ZNF385D: variants seen among roughly 807,000 people sequenced by gnomAD.
The protein encoded by ZNF385D is zinc finger protein 385D.
In ZNF385D, 15 loss-of-function variants were observed where a neutral mutation model predicts 35.8. The observed-to-expected ratio is 0.42, with a 90% CI of 0.28 to 0.64. The LOEUF (loss-of-function observed/expected upper bound fraction) is 0.64. ZNF385D is among the 30% of genes least tolerant of loss of function. The pLI, the probability that ZNF385D is intolerant of heterozygous loss-of-function variation, is 0.23. For synonymous variants in ZNF385D, 212 were observed against 186.8 expected, an observed-to-expected ratio of 1.13 and a Z score of -1.10; for missense variants, 474 against 494.6, an observed-to-expected ratio of 0.96 and a Z score of 0.39.
At chr3:21,995,777 G>A (rs992545029) in intron 3 of ZNF385D, among the ~76,000 whole-genome samples, 2 of 151,962 alleles carry the variant, frequency 1.3e-5, no homozygotes, top group East Asian at 3.9e-4. Context: ...CACATTCAGG[G>A]GCAAGGAGCC....
intron 3 of ZNF385D, among the ~76,000 whole-genome samples, chr3:21,871,262 G>A (rs528821025): frequency 6.6e-6 from 1 of 152,150 alleles, no homozygotes; most frequent in Non-Finnish European, 1.5e-5. Flanking sequence ...CCAGAGATCT[G>A]CTCCAATGTC....
chr3:21,849,896 C>T (rs979689356), intron 3 of ZNF385D, among the ~76,000 whole-genome samples: 1 of 151,938 alleles, frequency 6.6e-6, no homozygotes, highest in African/African-American at 2.4e-5. Context: ...CAGGTTTGCA[C>T]CACATCCAGC....
chr3:21,466,140 C>T (rs1703500925), intron 4 of ZNF385D, among the ~76,000 whole-genome samples: 1 of 152,112 alleles, frequency 6.6e-6, no homozygotes, highest in Admixed American at 6.5e-5. Context: ...ATTATACCAC[C>T]CCATGCATCC....
intron 2 of ZNF385D, among the ~76,000 whole-genome samples, chr3:21,648,863 G>T (rs1472217999): frequency 6.6e-6 from 1 of 152,166 alleles, no homozygotes; most frequent in African/African-American, 2.4e-5. Context: ...CATATAACCT[G>T]AGATGCACTT....
intron 3 of ZNF385D, among the ~76,000 whole-genome samples, chr3:21,948,870 A>G (rs559894): frequency 0.26 from 39,362 of 152,006 alleles, 5,790 homozygotes; most frequent in Admixed American, 0.41. Flanking sequence ...ATCTTGTGTA[A>G]GATTTTAGGA....
chr3:21,425,284 A>G (rs1575121329), intron 6 of ZNF385D, among the ~76,000 whole-genome samples: 1 of 152,234 alleles, frequency 6.6e-6, no homozygotes, highest in Non-Finnish European at 1.5e-5. Context: ...ATTACATTTT[A>G]GTATTTCCTC....
At chr3:21,586,217 A>G (rs1004045876) in intron 2 of ZNF385D, among the ~76,000 whole-genome samples, 4 of 152,160 alleles carry the variant, frequency 2.6e-5, no homozygotes, top group African/African-American at 9.7e-5. Flanking sequence ...AAGGGGAAAA[A>G]AAAGAAAGTA....
chr3:22,106,126 G>C (rs961379587), intron 3 of ZNF385D, among the ~76,000 whole-genome samples: 1 of 152,184 alleles, frequency 6.6e-6, no homozygotes, highest in Admixed American at 6.5e-5. Flanking sequence ...GACTAAAGCA[G>C]AGCCCAGGTA....
At chr3:22,111,478 T>C (rs1176442081) in intron 3 of ZNF385D, among the ~76,000 whole-genome samples, 1 of 152,044 alleles carries the variant, frequency 6.6e-6, no homozygotes, top group Non-Finnish European at 1.5e-5. Flanking sequence ...GGTGACGCGA[T>C]CATCAAATGT....
Position 21,821,799 on chromosome 3 carries a change from A to G in ZNF385D, c.326-156771T>C, listed in dbSNP as rs76029543. On this transcript the variant is annotated intron_variant, in intron 3 of 5. Coordinates refer to the ZNF385D transcript ENST00000494108. ...AACACAATGAGAACCCATCTCTACAAAATTTTTTTTAAATTAACCAGGCAC... is the reference window on the plus strand; with the variant it reads ...AACACAATGAGAACCCATCTCTACAGAATTTTTTTTAAATTAACCAGGCAC... Among the ~76,000 whole-genome samples the G allele has an allele frequency of 0.012, 1,881 of 151,898 alleles. 114 individuals carry two copies. In the East Asian group the frequency reaches 0.13, roughly 11 times the overall value.
chr3:21,692,591 C>T (rs949485506), intron 1 of ZNF385D, among the ~76,000 whole-genome samples: 13 of 152,208 alleles, frequency 8.5e-5, no homozygotes, highest in Admixed American at 5.2e-4. Context: ...CACAATCCAG[C>T]GCCAGTGTAT....
chr3:22,028,003 C>T (rs1468241004), intron 3 of ZNF385D, among the ~76,000 whole-genome samples: 1 of 152,088 alleles, frequency 6.6e-6, no homozygotes, highest in East Asian at 1.9e-4. Context: ...GGCAGAACTT[C>T]GAGCAGTGCA....
intron 3 of ZNF385D, among the ~76,000 whole-genome samples, chr3:21,556,244 A>G (rs1049464849): frequency 1.3e-5 from 2 of 151,774 alleles, no homozygotes; most frequent in African/African-American, 4.8e-5. Flanking sequence ...TCATTTGTCT[A>G]TTTTGGCTTT....
At chr3:21,960,636 C>T (rs1426448203) in intron 3 of ZNF385D, among the ~76,000 whole-genome samples, 2 of 152,116 alleles carry the variant, frequency 1.3e-5, no homozygotes, top group African/African-American at 2.4e-5. Flanking sequence ...ACCTACACTC[C>T]TTTGTTTATT....
intron 3 of ZNF385D, among the ~76,000 whole-genome samples, chr3:21,940,086 G>T (rs1443886161): frequency 6.6e-6 from 1 of 151,980 alleles, no homozygotes; most frequent in Non-Finnish European, 1.5e-5. Context: ...TCTTCCCTGG[G>T]TCTTTTTGTT....
chr3:21,665,012 A>G lies in ZNF385D; in HGVS notation c.39T>C (p.Ser13=). 1 of 1,611,590 alleles carries G rather than the reference A, an allele frequency of 6.2e-7. No individual in the cohort carries two copies. Among genetic ancestry groups the G allele is most frequent in the East Asian group, 2.2e-5 (1 of 44,822 alleles). Residue 13 remains serine, a synonymous_variant, in exon 2 of 8, where the codon AGT becomes AGC. Coordinates refer to ENST00000281523, the MANE Select transcript of ZNF385D (RefSeq NM_024697.3). The stretch of plus-strand genomic sequence containing the variant: ...GACGGACAAGGGCCGGGAGAGCAGG[A>G]CTCTGGCATGTACCACCTGTGAAGA... ...NIMYFGGTCQ[S]PALPALVRPP... is the part of the protein sequence containing the mutation.
At chr3:21,792,942 A>T (rs966079238) in intron 3 of ZNF385D, among the ~76,000 whole-genome samples, 1 of 152,164 alleles carries the variant, frequency 6.6e-6, no homozygotes, top group African/African-American at 2.4e-5. Context: ...TGTAAATATG[A>T]TTAAAGCAAT....
chr3:22,118,615 C>G (rs569427880), intron 3 of ZNF385D, among the ~76,000 whole-genome samples: 1 of 151,702 alleles, frequency 6.6e-6, no homozygotes, highest in Admixed American at 6.6e-5. Flanking sequence ...CCAATGATAT[C>G]GGTAAGAGGT....
intron 3 of ZNF385D, among the ~76,000 whole-genome samples, chr3:21,985,002 T>C (rs1393779178): frequency 4.6e-5 from 7 of 151,588 alleles, no homozygotes; most frequent in Admixed American, 3.9e-4. Context: ...CCTGTGATTT[T>C]TGTACATTGA....
Sources: gnomAD v4.1 joint callset for allele counts (sites outside exome capture counted in the v4.1 genomes callset) on GRCh38, gnomAD v4.1.1 for gene constraint, MANE v1.5 for transcripts, NCBI Gene and HGNC (gene_info 2026-07-23, HGNC 2026-07-21) for gene names.